The following CPQ variants were observed in gnomAD, a reference collection of about 807,000 sequenced individuals.
CPQ encodes carboxypeptidase Q.
CPQ carries 37 observed loss-of-function variants against 45.7 expected under a neutral mutation model. That is an observed-to-expected ratio of 0.81 (90% CI 0.62 to 1.07). The LOEUF (loss-of-function observed/expected upper bound fraction) is 1.07, where lower values mean the gene tolerates loss of function less well. CPQ is among the 50% of genes least tolerant of loss of function. The probability of loss-of-function intolerance (pLI) is 0.00; values close to 1 mark genes in which losing one functional copy is unlikely to be tolerated. For synonymous variants in CPQ, 186 were observed against 205.8 expected, an observed-to-expected ratio of 0.90 and a Z score of 0.82; for missense variants, 537 against 572.9, an observed-to-expected ratio of 0.94 and a Z score of 0.64.
intron 4 of CPQ, among the ~76,000 whole-genome samples, chr8:96,940,334 C>T (rs1813109140): frequency 6.6e-6 from 1 of 152,112 alleles, no homozygotes; most frequent in Non-Finnish European, 1.5e-5. Flanking sequence ...AGCTCACATA[C>T]AAAAAGAGAA....
intron 6 of CPQ, among the ~76,000 whole-genome samples, chr8:97,064,728 G>T (rs1202924308): frequency 6.6e-6 from 1 of 152,114 alleles, no homozygotes; most frequent in Non-Finnish European, 1.5e-5. Flanking sequence ...ATTGTAAAAT[G>T]GAATCTGTTT....
At chr8:97,100,704 A>G (rs1249931898) in intron 7 of CPQ, among the ~76,000 whole-genome samples, 1 of 152,192 alleles carries the variant, frequency 6.6e-6, no homozygotes, top group Non-Finnish European at 1.5e-5. Context: ...GAGCTTTTTT[A>G]AAACATGGTA....
intron 6 of CPQ, among the ~76,000 whole-genome samples, chr8:97,058,891 A>C (rs1393804541): frequency 3.9e-5 from 6 of 152,186 alleles, no homozygotes; most frequent in Non-Finnish European, 8.8e-5. Context: ...TTTTTAAGTC[A>C]TATCTACCGA....
At chr8:96,882,447 A>G (rs186915973) in intron 4 of CPQ, among the ~76,000 whole-genome samples, 174 of 152,288 alleles carry the variant, frequency 1.1e-3, no homozygotes, top group South Asian at 6.2e-4. Context: ...GGGTAAAGTT[A>G]TGTCATCATC....
In CPQ at chr8:97,014,236, G is replaced by A. The variant is rs564982430; in HGVS notation, c.962-15167G>A. ...GAGGGGGAGAGTTCCAGGGATGTTC[G>A]GATAATCTTATTATTTGCATGGTGA... On this transcript the variant is annotated intron_variant, in intron 5 of 7. Transcript: ENST00000220763. Among the ~76,000 whole-genome samples the A allele has an allele frequency of 9.9e-5, 15 of 152,224 alleles. No homozygotes were observed. The South Asian group carries it at 1.2e-3, about 13-fold the overall frequency.
chr8:96,852,380 A>C (rs764260386), intron 3 of CPQ, among the ~76,000 whole-genome samples: 1 of 152,212 alleles, frequency 6.6e-6, no homozygotes, highest in Admixed American at 6.5e-5. Context: ...GGTAGTTTGT[A>C]CTATTTTCAT....
In CPQ at chr8:96,865,668, C is replaced by T. The variant is rs182626059; in HGVS notation, c.642-14130C>T. On this transcript the variant is annotated intron_variant, in intron 3 of 7. Coordinates refer to ENST00000220763, the MANE Select transcript of CPQ (RefSeq NM_016134.4). ...GACTTAGTTAGAAATTCAGATGATA[C>T]TGATTTAAAATAGACCCGTGGGGTT... 2.0e-3 allele frequency among the ~76,000 whole-genome samples: 303 copies of T among 152,086 alleles called. 2 individuals are homozygous for T. The highest frequency in any genetic ancestry group is 6.8e-3 in the African/African-American group (282 of 41,504).
intron 4 of CPQ, among the ~76,000 whole-genome samples, chr8:96,910,318 CTA>C (rs966780290): frequency 2.6e-5 from 4 of 152,146 alleles, no homozygotes; most frequent in Non-Finnish European, 4.4e-5. Context: ...CTTTTGCTTA[CTA>C]TGTCATATCT....
chr8:96,898,842 C>T lies in CPQ; in HGVS notation c.849+18837C>T, dbSNP rs116184261. On this transcript the variant is annotated intron_variant, in intron 4 of 7. Transcript: ENST00000220763. ...GGCTTCTTGTTGGGTCGGGGAGTGG[C>T]GAAATGTAAAGGGAGTAAAAAGGGT... Among the ~76,000 whole-genome samples, 813 of 148,670 alleles carry T rather than the reference C, an allele frequency of 5.5e-3. 5 individuals are homozygous for T. Among genetic ancestry groups the T allele is most frequent in the African/African-American group, 0.019 (776 of 40,008 alleles).
At position 97,136,981 on chromosome 8, in the gene CPQ, G is replaced by A. The variant is rs565770598; in HGVS notation, c.1256-6039G>A. 2.6e-5 allele frequency among the ~76,000 whole-genome samples: 4 copies of A among 152,250 alleles called. No homozygotes were observed. The South Asian group carries it at 8.3e-4, about 32-fold the overall frequency. ...ATCTTTTAGATCAGTAGCTGTCACT[G>A]ATAAAATGTCTCCTTGGAACTACAG... On this transcript the variant is annotated intron_variant, in intron 7 of 7. Coordinates refer to ENST00000220763, the MANE Select transcript of CPQ (RefSeq NM_016134.4).
At chr8:96,810,555 A>G (rs186120328) in intron 2 of CPQ, among the ~76,000 whole-genome samples, 77 of 152,316 alleles carry the variant, frequency 5.1e-4, no homozygotes, top group African/African-American at 1.8e-3. Flanking sequence ...ATGATGTGAA[A>G]GCACTCTGTA....
chr8:96,963,954 T>A (rs1004399191), intron 4 of CPQ, among the ~76,000 whole-genome samples: 1 of 152,196 alleles, frequency 6.6e-6, no homozygotes, highest in Non-Finnish European at 1.5e-5. Context: ...TCATTATGTT[T>A]ATGAGACTCA....
intron 4 of CPQ, among the ~76,000 whole-genome samples, chr8:96,954,187 T>TA (rs1813314366): frequency 6.6e-6 from 1 of 152,162 alleles, no homozygotes; most frequent in Admixed American, 6.6e-5. Context: ...AATTAAATTT[T>TA]AAAATACATG....
intron 5 of CPQ, among the ~76,000 whole-genome samples, chr8:97,005,125 A>G (rs1201904611): frequency 6.6e-6 from 1 of 151,660 alleles, no homozygotes; most frequent in Non-Finnish European, 1.5e-5. Context: ...TCTGTTGCCC[A>G]GGCTGGAGTG....
intron 1 of CPQ, among the ~76,000 whole-genome samples, chr8:96,750,613 CT>C (rs1000073941): frequency 5.6e-5 from 8 of 143,794 alleles, no homozygotes; most frequent in East Asian, 2.0e-4. Context: ...CTGGTTTTCA[CT>C]TTTTTTTTTC....
At chr8:96,849,091 A>G (rs965074472) in intron 3 of CPQ, among the ~76,000 whole-genome samples, 5 of 152,198 alleles carry the variant, frequency 3.3e-5, no homozygotes, top group African/African-American at 1.2e-4. Context: ...ATATGTTAAC[A>G]CAAATAAAAC....
chr8:96,879,779 G>T lies in CPQ; in HGVS notation c.642-19G>T, dbSNP rs1812194638. The stretch of plus-strand genomic sequence containing the variant: ...TCTATTTCCACTTTCAAGGTAACCT[G>T]GTGGCTTCTTCTCTCAAGTCCTCAC... On this transcript the variant is annotated intron_variant, in intron 3 of 7. Coordinates refer to ENST00000220763, the MANE Select transcript of CPQ (RefSeq NM_016134.4). 2 of 1,604,584 alleles carry T rather than the reference G, an allele frequency of 1.2e-6. No homozygotes were observed. The highest frequency in any genetic ancestry group is 1.7e-5 in the Admixed American group (1 of 59,938).
intron 4 of CPQ, among the ~76,000 whole-genome samples, chr8:96,936,059 T>C (rs1813044717): frequency 6.7e-6 from 1 of 149,976 alleles, no homozygotes; most frequent in South Asian, 2.1e-4. Flanking sequence ...GTGTATATTC[T>C]TTCCCTCATT....
intron 7 of CPQ, among the ~76,000 whole-genome samples, chr8:97,122,908 A>T (rs1811735003): frequency 1.1e-5 from 1 of 89,002 alleles, no homozygotes; most frequent in South Asian, 3.6e-4. Context: ...AAAATAAAAT[A>T]AAATAAAATA....
Sources: allele counts gnomAD v4.1 joint callset (sites outside exome capture counted in the v4.1 genomes callset), GRCh38; gene constraint gnomAD v4.1.1; transcripts MANE v1.5; gene names NCBI Gene and HGNC (gene_info 2026-07-23, HGNC 2026-07-21).